PHACTR3: variants seen among roughly 807,000 people sequenced by gnomAD.
PHACTR3 encodes the protein phosphatase and actin regulator 3.
A neutral mutation model predicts 66.8 loss-of-function variants in PHACTR3; 16 were observed. The observed-to-expected ratio is 0.24, with a 90% CI of 0.16 to 0.36. PHACTR3 has a LOEUF of 0.36. Among genes scored for constraint, PHACTR3 ranks in the 10% least tolerant of loss-of-function variants. The pLI is 1.00. For missense variants in PHACTR3, 647 were observed against 719.9 expected (o/e 0.90, Z 1.16); for synonymous variants, 323 against 292.1 (o/e 1.11, Z -1.08).
At chr20:59,594,732 G>A (rs182073713) in intron 1 of PHACTR3, among the ~76,000 whole-genome samples, 3 of 152,238 alleles carry the variant, frequency 2.0e-5, no homozygotes, top group Non-Finnish European at 4.4e-5. Context: ...GTTTTTCAAA[G>A]TACCAGCTTT....
rs1276544754 is a variant in PHACTR3, at chr20:59,776,584, T to C, written c.1174+2094T>C. Among the ~76,000 whole-genome samples the C allele has an allele frequency of 4.6e-5, 7 of 152,324 alleles. No individual in the cohort carries two copies. In the East Asian group the frequency reaches 1.2e-3, roughly 25 times the overall value. ...CCAGAAGGGTCTCCCGGCTTGACTT[T>C]CCTTTAGGGCATTGTTAGGCCATCC... On this transcript the variant is annotated intron_variant, in intron 7 of 12. Coordinates refer to ENST00000371015, the MANE Select transcript of PHACTR3 (RefSeq NM_080672.5).
intron 1 of PHACTR3, among the ~76,000 whole-genome samples, chr20:59,701,631 C>A (rs1471762315): frequency 1.3e-5 from 2 of 152,144 alleles, no homozygotes; most frequent in Non-Finnish European, 2.9e-5. Context: ...AAAGTGAGTT[C>A]CCATATACCT....
At chr20:59,696,105 C>A (rs192617353) in intron 1 of PHACTR3, among the ~76,000 whole-genome samples, 2 of 152,306 alleles carry the variant, frequency 1.3e-5, no homozygotes, top group Admixed American at 1.3e-4. Context: ...CCACTGTAAG[C>A]TTTTCTATAT....
rs2041561591 is a variant in PHACTR3, at chr20:59,806,127, A to G, written c.1261A>G (p.Ile421Val). 2.5e-6 allele frequency: 4 copies of G among 1,614,078 alleles called. No individual in the cohort carries two copies. Among genetic ancestry groups the G allele is most frequent in the East Asian group, 2.2e-5 (1 of 44,894 alleles). The part of the protein sequence containing the change: ...PSKQELEDRN[I>V]FPRRTDEERQ... ...CAAACAGGAACTAGAAGACCGGAACATTTTCCCCAGAAGGACTGATGAAGA... is the reference window on the plus strand; with the variant it reads ...CAAACAGGAACTAGAAGACCGGAACGTTTTCCCCAGAAGGACTGATGAAGA... The change falls in exon 8 of 13, where the codon ATT becomes GTT. Residue 421 changes from isoleucine (I) to valine (V), a missense_variant. This residue lies in a region of PHACTR3 where 577 missense variants were observed against 571.1 expected (regional missense o/e 1.01). Coordinates refer to ENST00000371015, the MANE Select transcript of PHACTR3 (RefSeq NM_080672.5).
chr20:59,640,376 C>T (rs1444185541), intron 1 of PHACTR3, among the ~76,000 whole-genome samples: 1 of 152,164 alleles, frequency 6.6e-6, no homozygotes, highest in East Asian at 1.9e-4. Flanking sequence ...CTCCAAAGAT[C>T]CTGGTTGGAT....
At chr20:59,814,593 G>A (rs539874632) in intron 8 of PHACTR3, among the ~76,000 whole-genome samples, 25 of 152,224 alleles carry the variant, frequency 1.6e-4, no homozygotes, top group Non-Finnish European at 2.9e-4. Flanking sequence ...TTCAGAGCCC[G>A]TCGTGGTGTT....
chr20:59,801,186 A>T (rs1339794420), intron 7 of PHACTR3, among the ~76,000 whole-genome samples: 3 of 152,168 alleles, frequency 2.0e-5, no homozygotes, highest in Admixed American at 6.5e-5. Context: ...TCAGGTTCAT[A>T]TTCTCAACTC....
intron 1 of PHACTR3, among the ~76,000 whole-genome samples, chr20:59,654,323 T>A (rs189529618): frequency 5.9e-5 from 9 of 152,318 alleles, no homozygotes; most frequent in Admixed American, 5.2e-4. Context: ...AGAAAAATTT[T>A]AATTAATAAA....
intron 5 of PHACTR3, among the ~76,000 whole-genome samples, chr20:59,771,413 C>T (rs1405795946): frequency 6.6e-6 from 1 of 152,098 alleles, no homozygotes; most frequent in Non-Finnish European, 1.5e-5. Context: ...CCCTGCAGCC[C>T]CTGCCCTGCC....
chr20:59,755,283 C>A lies in PHACTR3; in HGVS notation c.460C>A (p.Pro154Thr). The stretch of plus-strand genomic sequence containing the variant: ...GACGCTGACTTCAGAAGATGCCCAG[C>A]CCGGAAGCCCCTTGGCCACTGGGAC... ...SETLTSEDAQPGSPLATGTDQ... is the reference protein window; with the variant it reads ...SETLTSEDAQTGSPLATGTDQ... Residue 154 changes from proline (P) to threonine (T), a missense_variant, in exon 4 of 13, where the codon CCC (proline) becomes ACC (threonine). Pro to Thr is a conservative substitution (Grantham distance 38). Coordinates refer to ENST00000371015, the MANE Select transcript of PHACTR3 (RefSeq NM_080672.5). 1 of 1,613,650 alleles carries A rather than the reference C, an allele frequency of 6.2e-7. No homozygotes were observed.
intron 1 of PHACTR3, among the ~76,000 whole-genome samples, chr20:59,695,887 C>T (rs1362172668): frequency 6.6e-6 from 1 of 152,060 alleles, no homozygotes; most frequent in Non-Finnish European, 1.5e-5. Context: ...CTCACCTCAC[C>T]ACATCCAGCT....
intron 10 of PHACTR3, 41 bp from the exon 11 acceptor site, chr20:59,841,353 GT>G: frequency 6.3e-7 from 1 of 1,579,856 alleles, no homozygotes; most frequent in South Asian, 1.2e-5. Flanking sequence ...AAAAAAGCTA[GT>G]TTGGCATGTG....
intron 7 of PHACTR3, among the ~76,000 whole-genome samples, chr20:59,785,434 GC>G (rs2040870826): frequency 6.6e-6 from 1 of 152,172 alleles, no homozygotes. Flanking sequence ...GAATTCTGGG[GC>G]AGAGCGGTGG....
At chr20:59,592,222 G>A (rs575093409) in intron 1 of PHACTR3, among the ~76,000 whole-genome samples, 16 of 152,238 alleles carry the variant, frequency 1.1e-4, no homozygotes, top group African/African-American at 3.1e-4. Context: ...TTTCCTTAGA[G>A]AGCCCTGTGC....
intron 1 of PHACTR3, among the ~76,000 whole-genome samples, chr20:59,664,890 G>A (rs1180882177): frequency 6.6e-6 from 1 of 152,130 alleles, no homozygotes; most frequent in Non-Finnish European, 1.5e-5. Context: ...GTGAATACCC[G>A]TGCGGTATCC....
chr20:59,814,184 AG>A (rs1184898534), intron 8 of PHACTR3, among the ~76,000 whole-genome samples: 1 of 152,148 alleles, frequency 6.6e-6, no homozygotes, highest in African/African-American at 2.4e-5. Context: ...GCTGCAGTGC[AG>A]GGCTGGTTTG....
At chr20:59,578,430 T>A (rs2032777043) in intron 1 of PHACTR3, among the ~76,000 whole-genome samples, 1 of 152,154 alleles carries the variant, frequency 6.6e-6, no homozygotes, top group Admixed American at 6.5e-5. Context: ...TACAGATTGT[T>A]CCAGGGGCCC....
At chr20:59,616,880 G>T (rs1189268017) in intron 1 of PHACTR3, among the ~76,000 whole-genome samples, 1 of 152,070 alleles carries the variant, frequency 6.6e-6, no homozygotes, top group Non-Finnish European at 1.5e-5. Context: ...GAGTTTTGGA[G>T]CACATTTAAT....
At chr20:59,635,173 T>TCTTTCTTTCTTTCTTTC (rs2034839215) in intron 1 of PHACTR3, among the ~76,000 whole-genome samples, 1 of 50,784 alleles carries the variant, frequency 2.0e-5, no homozygotes, top group Admixed American at 2.2e-4. Flanking sequence ...TTCTTTCCTT[T>TCTTTCTTTCTTTCTTTC]CTTTCTTTCT....
Sources: allele counts gnomAD v4.1 joint callset (sites outside exome capture counted in the v4.1 genomes callset), GRCh38; gene constraint gnomAD v4.1.1; regional missense constraint gnomAD v4.1.1; transcripts MANE v1.5; gene names NCBI Gene and HGNC (gene_info 2026-07-23, HGNC 2026-07-21).